Variants in NCAN observed in about 807,000 individuals in gnomAD.
NCAN encodes neurocan.
A neutral mutation model predicts 121.8 loss-of-function variants in NCAN; 47 were observed. That is an observed-to-expected ratio of 0.39 (90% CI 0.31 to 0.49). NCAN has a LOEUF of 0.49. NCAN is among the 20% of genes least tolerant of loss of function. The pLI is 0.92. For missense variants in NCAN, 1,517 were observed against 1,773.4 expected, an observed-to-expected ratio of 0.86 and a Z score of 2.60; for synonymous variants, 633 against 702.0, an observed-to-expected ratio of 0.90 and a Z score of 1.55.
chr19:19,227,678 A>C lies in NCAN; in HGVS notation c.2058A>C (p.Pro686=), dbSNP rs1425888850. ...ATTCCCTGCCTCTCTCTTTGACCCC[A>C]ACAGGACAGGGTGGAGAGGCCATGC... is the stretch of plus-strand genomic sequence containing the variant. ...KVYSLPLSLT[P]TGQGGEAMPT... The change falls in exon 8 of 15, where the codon CCA becomes CCC. Residue 686 remains proline (P), a synonymous_variant. Transcript: ENST00000252575. The surrounding 1 kb of genome is among the most constrained non-coding windows in gnomAD (Gnocchi z 4.2). The C allele has an allele frequency of 6.2e-7, 1 of 1,613,986 alleles. No homozygotes were observed.
At chr19:19,216,545 C>T (rs759759666) in intron 1 of NCAN, among the ~76,000 whole-genome samples, 1 of 152,112 alleles carries the variant, frequency 6.6e-6, no homozygotes, top group East Asian at 1.9e-4. Flanking sequence ...CCCCTGACCT[C>T]GTGATCCACC....
chr19:19,222,343 G>C (rs1351166487), intron 3 of NCAN, among the ~76,000 whole-genome samples: 1 of 152,138 alleles, frequency 6.6e-6, no homozygotes, highest in African/African-American at 2.4e-5. Flanking sequence ...TCAGTGGTGT[G>C]ATCTTGGCTC....
At chr19:19,244,476 T>G (rs999626321) in intron 12 of NCAN, among the ~76,000 whole-genome samples, 2 of 151,678 alleles carry the variant, frequency 1.3e-5, no homozygotes, top group Admixed American at 1.3e-4. Flanking sequence ...GCCCGGCTAA[T>G]TTTTGTATTT....
intron 13 of NCAN, among the ~76,000 whole-genome samples, chr19:19,246,557 G>A (rs1489258611): frequency 1.3e-5 from 2 of 151,358 alleles, no homozygotes; most frequent in African/African-American, 4.9e-5. Flanking sequence ...TGTTTGAGAT[G>A]GAGTCTCACT....
chr19:19,226,544 G>A lies in NCAN; in HGVS notation c.1131G>A (p.Gly377=). 2 of 1,612,984 alleles carry A rather than the reference G, an allele frequency of 1.2e-6. No individual in the cohort carries two copies. The highest frequency in any genetic ancestry group is 1.7e-4 in the Middle Eastern group (1 of 6,052). The change falls in exon 7 of 15, where the codon GGG becomes GGA. Residue 377 remains glycine (G), a synonymous_variant. Transcript: ENST00000252575. ...AGACCCCATCCTCTGGGGATGAGGGGGAGATTCTGTCAGCAGAGGGGCCCC... is the reference window on the plus strand; with the variant it reads ...AGACCCCATCCTCTGGGGATGAGGGAGAGATTCTGTCAGCAGAGGGGCCCC... The part of the protein sequence containing the change: ...DLETPSSGDE[G]EILSAEGPPV...
chr19:19,239,725 C>T, intron 11 of NCAN, among the ~76,000 whole-genome samples: 1 of 132,950 alleles, frequency 7.5e-6, no homozygotes, highest in South Asian at 2.7e-4. Flanking sequence ...CCCTCCTGCT[C>T]CTCCCCAGGC....
intron 13 of NCAN, among the ~76,000 whole-genome samples, chr19:19,247,684 C>G (rs1194011135): frequency 6.6e-6 from 1 of 152,200 alleles, no homozygotes; most frequent in Non-Finnish European, 1.5e-5. Flanking sequence ...AGCTGCCGCA[C>G]CCGGCCTTTA....
At chr19:19,214,428 A>G (rs2060788684) in intron 1 of NCAN, among the ~76,000 whole-genome samples, 1 of 151,982 alleles carries the variant, frequency 6.6e-6, no homozygotes, top group African/African-American at 2.4e-5. Context: ...TGCGAGTGGA[A>G]GGGAGTGGGA....
chr19:19,216,864 G>C lies in NCAN; in HGVS notation c.-7-83G>C, dbSNP rs537650119. On this transcript the variant is annotated intron_variant, in intron 1 of 14. Transcript: ENST00000252575. ...GCCCTGGTTTCCTGATCTGTAGAGT[G>C]GGGGAGTTTGGTCCTGCAATGCTGA... 3.3e-5 allele frequency: 23 copies of C among 703,618 alleles called. 1 individual carries two copies. The Admixed American group carries it at 5.1e-4, about 15-fold the overall frequency. 43.6% of individuals were successfully genotyped at this position (703,618 alleles called of 1,614,324 possible).
chr19:19,239,136 C>T (rs2060892506), intron 11 of NCAN, among the ~76,000 whole-genome samples: 1 of 152,086 alleles, frequency 6.6e-6, no homozygotes, highest in South Asian at 2.1e-4. Flanking sequence ...TCTCCTGTCC[C>T]CTACTTCTCA....
At chr19:19,223,139 A>C (rs2060822898) in intron 3 of NCAN, among the ~76,000 whole-genome samples, 1 of 151,566 alleles carries the variant, frequency 6.6e-6, no homozygotes, top group African/African-American at 2.4e-5. Flanking sequence ...AAATAAAATA[A>C]AAAATAAATA....
Position 19,218,978 on chromosome 19 carries a change from C to T in NCAN, c.137C>T (p.Ser46Leu). 6.4e-7 allele frequency: 1 copy of T among 1,565,892 alleles called. No individual in the cohort carries two copies. Among genetic ancestry groups the T allele is most frequent in the Non-Finnish European group, 8.7e-7 (1 of 1,153,258 alleles). ...GLHMQKLGSG[S>L]VQAALAELVA... ...CACATGCAGAAGCTGGGGTCTGGGTCAGTGCAGGCTGCGCTGGCGGAGCTG... is the reference window on the plus strand; with the variant it reads ...CACATGCAGAAGCTGGGGTCTGGGTTAGTGCAGGCTGCGCTGGCGGAGCTG... The change falls in exon 3 of 15, where the codon TCA becomes TTA. Residue 46 changes from serine (S) to leucine (L), a missense_variant. Ser to Leu is a moderately radical substitution (Grantham distance 145, BLOSUM62 -2). Transcript: ENST00000252575.
rs1186968014 is a variant in NCAN, at chr19:19,251,190, T to TA, written c.*1285dup. On this transcript the variant is annotated 3_prime_UTR_variant, in exon 15 of 15. Transcript: ENST00000252575. ...CCGGGTAAAATCTGTGGATCAGGGT[T>TA]AAAAAAGCACCGTGGAGAATGGCCC... The TA allele has an allele frequency of 2.6e-5, 4 of 152,240 alleles. No individual in the cohort carries two copies. The East Asian group carries it at 5.8e-4, about 22-fold the overall frequency. The allele number at this position is 152,240 out of a possible 1,614,324, so 9.4% of individuals were successfully genotyped here.
rs185928074 is a variant in NCAN, at chr19:19,228,515, C to G, written c.2895C>G (p.Gly965=). The change falls in exon 8 of 15, where the codon GGC becomes GGG. Residue 965 remains glycine (G), a synonymous_variant. Coordinates refer to ENST00000252575, the MANE Select transcript of NCAN (RefSeq NM_004386.3). ...PSSTLLPVTL[G]IEDFELEVLA... ...GCACCCTGCTGCCTGTCACCCTGGG[C>G]ATAGAGGACTTCGAACTGGAGGTCC... 1 of 1,613,458 alleles carries G rather than the reference C, an allele frequency of 6.2e-7. No homozygotes were observed. The highest frequency in any genetic ancestry group is 2.2e-5 in the East Asian group (1 of 44,890).
chr19:19,245,028 C>T (rs1488015771), intron 12 of NCAN, among the ~76,000 whole-genome samples: 1 of 152,124 alleles, frequency 6.6e-6, no homozygotes, highest in Non-Finnish European at 1.5e-5. Flanking sequence ...CACCACTTAT[C>T]TAACACTGAT....
chr19:19,212,046 C>T lies in NCAN; in HGVS notation c.-26C>T. 1 of 209,682 alleles carries T rather than the reference C, an allele frequency of 4.8e-6. No homozygotes were observed. Among genetic ancestry groups the T allele is most frequent in the South Asian group, 4.5e-5 (1 of 22,344 alleles). The allele number at this position is 209,682 out of a possible 1,614,324, so 13.0% of individuals were successfully genotyped here. On this transcript the variant is annotated 5_prime_UTR_variant, in exon 1 of 15. Transcript: ENST00000252575. This position sits in a 1 kb window ranked among gnomAD's most constrained non-coding sequence, Gnocchi z 4.5. Reference sequence around the variant, plus strand: ...TGTGCCCGGCGGCCGCCCCGGGATGCGTCCGAGCTAGGAGCCAGGTGGGGG... The same window carrying T: ...TGTGCCCGGCGGCCGCCCCGGGATGTGTCCGAGCTAGGAGCCAGGTGGGGG...
intron 1 of NCAN, among the ~76,000 whole-genome samples, chr19:19,213,154 G>A (rs563587653): frequency 6.6e-6 from 1 of 152,292 alleles, no homozygotes; most frequent in Admixed American, 6.5e-5. Flanking sequence ...AGGCAGGAAG[G>A]GGTGGGTGCA....
chr19:19,219,791 G>A (rs1374790952), intron 3 of NCAN, among the ~76,000 whole-genome samples: 3 of 150,252 alleles, frequency 2.0e-5, no homozygotes, highest in East Asian at 2.0e-4. Flanking sequence ...TTGGGAGGCC[G>A]AGGCGTGTGG....
At chr19:19,238,003 A>G (rs1434174560) in intron 10 of NCAN, among the ~76,000 whole-genome samples, 1 of 152,160 alleles carries the variant, frequency 6.6e-6, no homozygotes, top group Non-Finnish European at 1.5e-5. Flanking sequence ...AGATTGTGCC[A>G]TTGCACGCCA....
Sources: allele counts gnomAD v4.1 joint callset (sites outside exome capture counted in the v4.1 genomes callset), GRCh38; gene constraint gnomAD v4.1.1; non-coding constraint Gnocchi (gnomAD v3.1); transcripts MANE v1.5; gene names NCBI Gene and HGNC (gene_info 2026-07-23, HGNC 2026-07-21).